Variants in DIPK2B observed in about 807,000 individuals in gnomAD.
DIPK2B encodes UPF0672 protein CXorf36.
Under a neutral mutation model 22.2 loss-of-function variants are expected in DIPK2B, and 15 were observed. The ratio of observed to expected loss-of-function variants is 0.68; its 90% CI spans 0.45 to 1.04. DIPK2B has a LOEUF of 1.04. DIPK2B is among the 50% of genes least tolerant of loss of function. The probability of loss-of-function intolerance (pLI) is 0.00; values close to 1 mark genes in which losing one functional copy is unlikely to be tolerated. For synonymous variants in DIPK2B, 163 were observed against 153.2 expected, an observed-to-expected ratio of 1.06 and a Z score of -0.47; for missense variants, 345 against 348.3, an observed-to-expected ratio of 0.99 and a Z score of 0.08.
chrX:45,153,199 T>C (rs1021528805), intron 4 of DIPK2B, among the ~76,000 whole-genome samples: 3 of 111,645 alleles, frequency 2.7e-5, no homozygotes, highest in Non-Finnish European at 5.6e-5. Flanking sequence ...TCCTTTGTCC[T>C]CTTATTGGGC....
chrX:45,155,738 T>C (rs1229066043), intron 3 of DIPK2B, among the ~76,000 whole-genome samples: 1 of 110,196 alleles, frequency 9.1e-6, no homozygotes, highest in Non-Finnish European at 1.9e-5. Context: ...GATTTGTAGA[T>C]GAAAAGTGGG....
chrX:45,165,369 A>T (rs5952699), intron 2 of DIPK2B, among the ~76,000 whole-genome samples: 33,755 of 110,626 alleles, frequency 0.31, 4,598 homozygotes, highest in African/African-American at 0.52. Flanking sequence ...AATCTTCAAA[A>T]CCACTCTAAT....
chrX:45,185,386 T>G (rs899069276), intron 2 of DIPK2B, among the ~76,000 whole-genome samples: 2 of 111,377 alleles, frequency 1.8e-5, no homozygotes, highest in Non-Finnish European at 3.8e-5. Flanking sequence ...GCTTGATTGG[T>G]AACATCTAAG....
chrX:45,178,327 T>C (rs1213697826), intron 2 of DIPK2B, among the ~76,000 whole-genome samples: 5 of 112,339 alleles, frequency 4.5e-5, no homozygotes, highest in Admixed American at 2.8e-4. Context: ...TTTTGATATG[T>C]GCATGCAGTA....
intron 1 of DIPK2B, among the ~76,000 whole-genome samples, chrX:45,192,873 G>T (rs1477517114): frequency 8.9e-6 from 1 of 112,167 alleles, no homozygotes; most frequent in African/African-American, 3.2e-5. Context: ...CTGTCTCCTG[G>T]ATTCAAGCGA....
At chrX:45,156,335 A>T in intron 3 of DIPK2B, among the ~76,000 whole-genome samples, 1 of 111,235 alleles carries the variant, frequency 9.0e-6, no homozygotes. Flanking sequence ...CGTTGTCTAC[A>T]GGTGCGGCCA....
rs1325624372 is a variant in DIPK2B at position 45,154,013 on chromosome X, G to A, written c.858C>T (p.Phe286=). 2.5e-6 allele frequency: 3 copies of A among 1,211,250 alleles called. No individual in the cohort carries two copies. The East Asian group carries it at 8.9e-5, about 36-fold the overall frequency. ...ESLRSNDLNY[F]FYFTHIDAGM... ...CTGCATCAATGTGGGTGAAGTAGAA[G>A]AAATAGTTCAAATCGTTGCTCCTCA... Residue 286 remains phenylalanine, a synonymous_variant, in exon 4 of 5, where the codon TTC becomes TTT. Transcript: ENST00000398000.
intron 2 of DIPK2B, among the ~76,000 whole-genome samples, chrX:45,166,366 G>A (rs2047048950): frequency 9.0e-6 from 1 of 111,013 alleles, no homozygotes; most frequent in Non-Finnish European, 1.9e-5. Context: ...CTCCAGGAGA[G>A]CCAGGCAGCC....
Position 45,150,819 on chromosome X carries a change from G to A in DIPK2B, c.*833C>T, listed in dbSNP as rs983591324. The A allele has an allele frequency of 1.2e-4, 13 of 111,547 alleles. No homozygotes were observed. The highest frequency in any genetic ancestry group is 2.9e-4 in the African/African-American group (9 of 30,631). The allele number at this position is 111,547 out of a possible 1,213,427, so 9.2% of individuals were successfully genotyped here. On this transcript the variant is annotated 3_prime_UTR_variant, in exon 5 of 5. Coordinates refer to ENST00000398000, the MANE Select transcript of DIPK2B (RefSeq NM_176819.4). ...TTCACCGGGGCTCAGCTTGCAGCTCGACTTACTGGTCCTCCCAATCTTCTC... is the reference window on the plus strand; with the variant it reads ...TTCACCGGGGCTCAGCTTGCAGCTCAACTTACTGGTCCTCCCAATCTTCTC...
chrX:45,157,162 T>G (rs2046999799), intron 3 of DIPK2B, among the ~76,000 whole-genome samples: 1 of 111,458 alleles, frequency 9.0e-6, no homozygotes, highest in Admixed American at 9.6e-5. Context: ...GTTTCCATGA[T>G]AAGTGTCTGT....
At chrX:45,177,595 T>A (rs2047125823) in intron 2 of DIPK2B, among the ~76,000 whole-genome samples, 1 of 111,202 alleles carries the variant, frequency 9.0e-6, no homozygotes, top group African/African-American at 3.3e-5. Flanking sequence ...AAGCAGATGC[T>A]GGCACCATGC....
chrX:45,165,637 G>A (rs747361626), intron 2 of DIPK2B, among the ~76,000 whole-genome samples: 1 of 111,181 alleles, frequency 9.0e-6, no homozygotes, highest in Admixed American at 9.6e-5. Context: ...ATTTTTAGAC[G>A]TCCTATATTG....
intron 2 of DIPK2B, among the ~76,000 whole-genome samples, chrX:45,186,816 C>G (rs1403909196): frequency 8.9e-6 from 1 of 112,083 alleles, no homozygotes; most frequent in East Asian, 2.8e-4. Context: ...GTGCAAAGAC[C>G]TTGTCTTGAT....
At chrX:45,197,808 A>T (rs922039785) in intron 1 of DIPK2B, among the ~76,000 whole-genome samples, 1 of 111,781 alleles carries the variant, frequency 8.9e-6, no homozygotes, top group South Asian at 3.7e-4. Context: ...TGTCTTTTTG[A>T]CCCAGAAATT....
intron 2 of DIPK2B, among the ~76,000 whole-genome samples, chrX:45,182,194 C>T (rs1364096769): frequency 9.0e-6 from 1 of 111,223 alleles, no homozygotes; most frequent in Non-Finnish European, 1.9e-5. Flanking sequence ...ACTTGTATAA[C>T]TTGTACTAAT....
chrX:45,192,927 C>T (rs377470697), intron 1 of DIPK2B, among the ~76,000 whole-genome samples: 87 of 112,115 alleles, frequency 7.8e-4, no homozygotes, highest in African/African-American at 1.5e-3. Context: ...TAGAGGAGTG[C>T]GCCACCACGC....
intron 2 of DIPK2B, among the ~76,000 whole-genome samples, chrX:45,173,496 CTTCTTTCTTTCTTTCTTT>C (rs1372946639): frequency 4.1e-5 from 4 of 96,972 alleles, no homozygotes; most frequent in African/African-American, 8.6e-5. Context: ...TCTTTCTTTC[CTTCTTTCTTTCTTTCTTT>C]TTCTTTCTTT....
intron 2 of DIPK2B, among the ~76,000 whole-genome samples, chrX:45,160,453 A>G (rs148829769): frequency 0.061 from 6,719 of 110,552 alleles, 202 homozygotes; most frequent in Middle Eastern, 0.1. Flanking sequence ...CAGGTGAACC[A>G]CCCACCTCAG....
At chrX:45,188,102 C>T in intron 2 of DIPK2B, among the ~76,000 whole-genome samples, 1 of 111,857 alleles carries the variant, frequency 8.9e-6, no homozygotes, top group Non-Finnish European at 1.9e-5. Context: ...AATAGCTCCC[C>T]AGTTGGCTCT....
Sources: gnomAD v4.1 joint callset for allele counts (sites outside exome capture counted in the v4.1 genomes callset) on GRCh38, gnomAD v4.1.1 for gene constraint, MANE v1.5 for transcripts, NCBI Gene and HGNC (gene_info 2026-07-23, HGNC 2026-07-21) for gene names.